SETBP1: variants seen among roughly 807,000 people sequenced by gnomAD.
SETBP1 encodes the protein SET binding protein 1, also known as SET-binding protein.
In SETBP1, 9 loss-of-function variants were observed where a neutral mutation model predicts 101.0. That is an observed-to-expected ratio of 0.09 (90% CI 0.05 to 0.16). The LOEUF (loss-of-function observed/expected upper bound fraction) is 0.16, where lower values mean the gene tolerates loss of function less well. Among genes scored for constraint, SETBP1 ranks in the 10% least tolerant of loss-of-function variants. The pLI is 1.00. For missense variants in SETBP1, 1,858 were observed against 2,033.8 expected, an observed-to-expected ratio of 0.91 and a Z score of 1.66; for synonymous variants, 818 against 788.5, an observed-to-expected ratio of 1.04 and a Z score of -0.63.
At chr18:44,851,105 A>G (rs183860991) in intron 2 of SETBP1, among the ~76,000 whole-genome samples, 22 of 152,300 alleles carry the variant, frequency 1.4e-4, no homozygotes, top group South Asian at 1.2e-3. Context: ...CGGGGCACAT[A>G]TTGTCATCAT....
intron 2 of SETBP1, among the ~76,000 whole-genome samples, chr18:44,861,827 C>T (rs1277700526): frequency 1.3e-5 from 2 of 152,164 alleles, no homozygotes; most frequent in Admixed American, 1.3e-4. Context: ...TACATAAAAT[C>T]CAGTTTTCTT....
rs539880217 is a variant in SETBP1 at position 44,878,609 on chromosome 18, G to T, written c.540+9326G>T. ...ACAAACCACCTTTAGAGCTTGAGAG[G>T]TTTCTTTTTCTTAATTCCTTTATCA... is the stretch of plus-strand genomic sequence containing the variant. On this transcript the variant is annotated intron_variant, in intron 3 of 5. Coordinates refer to ENST00000649279, the MANE Select transcript of SETBP1 (RefSeq NM_015559.3). Among the ~76,000 whole-genome samples the T allele has an allele frequency of 5.2e-4, 79 of 152,236 alleles. 1 individual carries two copies. The highest frequency in any genetic ancestry group is 9.0e-4 in the Non-Finnish European group (61 of 68,014).
chr18:44,780,338 C>G (rs28418412), intron 2 of SETBP1, among the ~76,000 whole-genome samples: 15,009 of 152,236 alleles, frequency 0.099, 913 homozygotes, highest in East Asian at 0.24. Context: ...CTGAATAACA[C>G]ACTTCTCATT....
At chr18:45,050,431 A>G (rs2073702994) in intron 5 of SETBP1, among the ~76,000 whole-genome samples, 1 of 152,206 alleles carries the variant, frequency 6.6e-6, no homozygotes, top group African/African-American at 2.4e-5. Context: ...CCGTTAGTTT[A>G]TTTTATGGAA....
intron 2 of SETBP1, among the ~76,000 whole-genome samples, chr18:44,807,812 G>A (rs1177854465): frequency 2.0e-5 from 3 of 152,158 alleles, no homozygotes; most frequent in Non-Finnish European, 4.4e-5. Flanking sequence ...CCAGTTAGGG[G>A]GGAAAATGGA....
chr18:44,765,407 G>T (rs2070745811), intron 2 of SETBP1, among the ~76,000 whole-genome samples: 1 of 152,152 alleles, frequency 6.6e-6, no homozygotes, highest in Non-Finnish European at 1.5e-5. Context: ...CAGGCATTTT[G>T]TGGGTGGATA....
At chr18:45,002,524 ATTC>A (rs1298679194) in intron 4 of SETBP1, among the ~76,000 whole-genome samples, 2 of 152,028 alleles carry the variant, frequency 1.3e-5, no homozygotes, top group African/African-American at 2.4e-5. Flanking sequence ...CAGTTCTTTC[ATTC>A]TTCTTCTGTT....
chr18:44,877,273 T>C (rs995225922), intron 3 of SETBP1: 1 of 652,270 alleles, frequency 1.5e-6, no homozygotes, highest in Non-Finnish European at 1.9e-6. Flanking sequence ...ATTTGTCTTA[T>C]AGTATTTTAC....
At chr18:44,771,879 C>A (rs536404699) in intron 2 of SETBP1, among the ~76,000 whole-genome samples, 1 of 152,108 alleles carries the variant, frequency 6.6e-6, no homozygotes, top group South Asian at 2.1e-4. Context: ...TCCATGATTT[C>A]CCCCCCAAGG....
At chr18:44,791,319 C>A (rs756006189) in intron 2 of SETBP1, among the ~76,000 whole-genome samples, 5 of 152,142 alleles carry the variant, frequency 3.3e-5, no homozygotes, top group Admixed American at 6.5e-5. Context: ...CACTGCATTT[C>A]GGAAAACCGT....
At chr18:44,919,948 A>G (rs959092537) in intron 3 of SETBP1, among the ~76,000 whole-genome samples, 2 of 151,996 alleles carry the variant, frequency 1.3e-5, no homozygotes, top group South Asian at 4.2e-4. Flanking sequence ...CTTTCTCCCC[A>G]CTAGAATGTA....
intron 3 of SETBP1, among the ~76,000 whole-genome samples, chr18:44,943,463 G>A (rs987831845): frequency 6.6e-6 from 1 of 152,222 alleles, no homozygotes; most frequent in African/African-American, 2.4e-5. Context: ...CCTTAACCCA[G>A]ACCCTGTCTT....
chr18:44,691,445 G>A (rs903930823), intron 1 of SETBP1, among the ~76,000 whole-genome samples: 1 of 147,338 alleles, frequency 6.8e-6, no homozygotes, highest in African/African-American at 2.5e-5. Context: ...CAAAGCCACA[G>A]CTCAACCTGC....
intron 3 of SETBP1, among the ~76,000 whole-genome samples, chr18:44,916,208 A>ATT (rs2070422789): frequency 6.6e-6 from 1 of 152,246 alleles, no homozygotes; most frequent in African/African-American, 2.4e-5. Flanking sequence ...CCTGGGTGAC[A>ATT]GAGCAAGACT....
chr18:44,767,591 G>C (rs1004054058), intron 2 of SETBP1, among the ~76,000 whole-genome samples: 2 of 152,124 alleles, frequency 1.3e-5, no homozygotes, highest in Non-Finnish European at 2.9e-5. Flanking sequence ...GATTAAACAG[G>C]TTAGTAAATT....
intron 3 of SETBP1, chr18:44,869,594 A>C (rs1457641202): frequency 5.7e-6 from 2 of 353,246 alleles, no homozygotes; most frequent in East Asian, 7.4e-5. Flanking sequence ...CAATGGCGGC[A>C]GAGGGTGGGT....
chr18:44,942,113 G>A (rs1053199461), intron 3 of SETBP1, among the ~76,000 whole-genome samples: 13 of 152,216 alleles, frequency 8.5e-5, no homozygotes, highest in Middle Eastern at 3.4e-3. Flanking sequence ...TTATGCTATC[G>A]AGAGTTCTTT....
intron 2 of SETBP1, among the ~76,000 whole-genome samples, chr18:44,780,748 A>T (rs1937303384): frequency 1.3e-5 from 2 of 152,232 alleles, no homozygotes; most frequent in South Asian, 4.1e-4. Context: ...GACCTTAACA[A>T]GGCAATATAA....
At chr18:44,697,760 G>A (rs1215375812) in intron 1 of SETBP1, among the ~76,000 whole-genome samples, 6 of 152,226 alleles carry the variant, frequency 3.9e-5, no homozygotes, top group African/African-American at 7.2e-5. Flanking sequence ...TGTCAGTCCG[G>A]CCAAGGAGTG....
Sources: allele counts gnomAD v4.1 joint callset (sites outside exome capture counted in the v4.1 genomes callset), GRCh38; gene constraint gnomAD v4.1.1; transcripts MANE v1.5; gene names NCBI Gene and HGNC (gene_info 2026-07-23, HGNC 2026-07-21).